Variants in TUSC3 observed in about 807,000 individuals in gnomAD.
TUSC3 encodes the protein tumor suppressor candidate 3.
A neutral mutation model predicts 44.8 loss-of-function variants in TUSC3; 45 were observed. The observed-to-expected ratio is 1.00, with a 90% CI of 0.79 to 1.29. TUSC3 has a LOEUF of 1.29. Among genes scored for constraint, TUSC3 ranks in the 50% most tolerant of loss-of-function variants. The probability of loss-of-function intolerance (pLI) is 0.00; values close to 1 mark genes in which losing one functional copy is unlikely to be tolerated. For missense variants in TUSC3, 519 were observed against 437.9 expected (o/e 1.19, Z -1.65); for synonymous variants, 212 against 152.9 (o/e 1.39, Z -2.85).
At chr8:15,516,380 C>CTTTTGATT (rs1200201756) in intron 2 of TUSC3, among the ~76,000 whole-genome samples, 56 of 152,160 alleles carry the variant, frequency 3.7e-4, no homozygotes, top group African/African-American at 1.3e-3. Flanking sequence ...TCTTGCAGAC[C>CTTTTGATT]ACTTCTCATT....
chr8:15,690,222 A>C (rs1808838590), intron 6 of TUSC3, among the ~76,000 whole-genome samples: 1 of 152,150 alleles, frequency 6.6e-6, no homozygotes, highest in South Asian at 2.1e-4. Context: ...GGTGTGAGGT[A>C]GCATCTTGTG....
intron 6 of TUSC3, among the ~76,000 whole-genome samples, chr8:15,677,807 A>C (rs1281118758): frequency 1.3e-5 from 2 of 152,178 alleles, no homozygotes; most frequent in Non-Finnish European, 2.9e-5. Flanking sequence ...CAGATGCTGG[A>C]GGCACTAAGA....
intron 1 of TUSC3, among the ~76,000 whole-genome samples, chr8:15,579,161 T>G (rs1803227003): frequency 6.6e-6 from 1 of 151,072 alleles, no homozygotes; most frequent in African/African-American, 2.4e-5. Context: ...TTGGTGGTGA[T>G]ATCCCCTTTA....
At chr8:15,484,171 AT>A (rs1563263249) in intron 2 of TUSC3, among the ~76,000 whole-genome samples, 1 of 152,036 alleles carries the variant, frequency 6.6e-6, no homozygotes, top group Non-Finnish European at 1.5e-5. Context: ...AATTAGGTCT[AT>A]TTTTAGTGAG....
At chr8:15,454,241 C>G (rs568109873) in intron 1 of TUSC3, among the ~76,000 whole-genome samples, 2 of 152,154 alleles carry the variant, frequency 1.3e-5, no homozygotes, top group Admixed American at 6.6e-5. Flanking sequence ...CCCCTTGGCC[C>G]TCTTCCAAGT....
chr8:15,696,924 G>T (rs529683981), intron 6 of TUSC3, among the ~76,000 whole-genome samples: 8 of 152,048 alleles, frequency 5.3e-5, no homozygotes, highest in Admixed American at 5.2e-4. Context: ...GCTGGTCCTG[G>T]ACTTTTTTTT....
chr8:15,711,598 A>G (rs938311867), intron 6 of TUSC3, among the ~76,000 whole-genome samples: 1 of 151,316 alleles, frequency 6.6e-6, no homozygotes, highest in Non-Finnish European at 1.5e-5. Context: ...GGAATTTGTG[A>G]TAGTTTAGCA....
chr8:15,450,097 A>T (rs1800173962), intron 1 of TUSC3, among the ~76,000 whole-genome samples: 1 of 152,192 alleles, frequency 6.6e-6, no homozygotes, highest in Non-Finnish European at 1.5e-5. Flanking sequence ...TCATTGAGTG[A>T]CACATGACGA....
chr8:15,794,126 T>G, the TUSC3 span, among the ~76,000 whole-genome samples: 1 of 152,170 alleles, frequency 6.6e-6, no homozygotes, highest in South Asian at 2.1e-4. Context: ...CACAATACAT[T>G]CTACTATGTA....
the TUSC3 span, among the ~76,000 whole-genome samples, chr8:15,824,846 C>A: frequency 6.6e-6 from 1 of 152,272 alleles, no homozygotes; most frequent in African/African-American, 2.4e-5. Context: ...TGTCAGTTCT[C>A]CCAAGGTATA....
chr8:15,768,141 G>T (rs1318055384), downstream of TUSC3, among the ~76,000 whole-genome samples: 4 of 134,680 alleles, frequency 3.0e-5, no homozygotes, highest in African/African-American at 1.2e-4. Context: ...AGTGGGGAGA[G>T]TATTTTTCTT....
chr8:15,573,227 TATAA>T (rs1293404926), intron 1 of TUSC3, among the ~76,000 whole-genome samples: 74 of 128,712 alleles, frequency 5.7e-4, no homozygotes, highest in Non-Finnish European at 1.0e-3. Flanking sequence ...TATATATATA[TATAA>T]AAGTTTTTTT....
intron 1 of TUSC3, among the ~76,000 whole-genome samples, chr8:15,451,336 G>A (rs557286184): frequency 1.1e-4 from 17 of 152,178 alleles, no homozygotes; most frequent in African/African-American, 4.1e-4. Flanking sequence ...GGGCCTCCTG[G>A]GTAGCTCAGA....
chr8:15,592,748 G>A (rs1803893900), intron 1 of TUSC3, among the ~76,000 whole-genome samples: 1 of 152,058 alleles, frequency 6.6e-6, no homozygotes, highest in Non-Finnish European at 1.5e-5. Flanking sequence ...AATGCAAAAT[G>A]GACCAAAACA....
intron 2 of TUSC3, among the ~76,000 whole-genome samples, chr8:15,525,037 T>C (rs1801355035): frequency 6.6e-6 from 1 of 152,218 alleles, no homozygotes; most frequent in Admixed American, 6.5e-5. Flanking sequence ...CCTGCAACTG[T>C]TGAGACTAAC....
chr8:15,798,473 C>G, the TUSC3 span, among the ~76,000 whole-genome samples: 2 of 152,158 alleles, frequency 1.3e-5, no homozygotes, highest in African/African-American at 4.8e-5. Flanking sequence ...TCTTCTGTCT[C>G]CATAAAGTCG....
At chr8:15,657,149 C>T (rs1807211893) in intron 3 of TUSC3, among the ~76,000 whole-genome samples, 1 of 152,150 alleles carries the variant, frequency 6.6e-6, no homozygotes, top group Non-Finnish European at 1.5e-5. Flanking sequence ...CTGCTAATCT[C>T]CTTATAAATA....
At chr8:15,619,008 C>G (rs1200482871) in intron 1 of TUSC3, among the ~76,000 whole-genome samples, 1 of 152,122 alleles carries the variant, frequency 6.6e-6, no homozygotes, top group East Asian at 1.9e-4. Flanking sequence ...CATGGCTCTA[C>G]CACTAGTCAC....
At chr8:15,642,448 G>A (rs1039861550) in intron 2 of TUSC3, among the ~76,000 whole-genome samples, 1 of 152,172 alleles carries the variant, frequency 6.6e-6, no homozygotes, top group Non-Finnish European at 1.5e-5. Flanking sequence ...AAATCTCCAT[G>A]AATGTTTCTT....
Sources: allele counts gnomAD v4.1 joint callset (sites outside exome capture counted in the v4.1 genomes callset), GRCh38; gene constraint gnomAD v4.1.1; transcripts MANE v1.5; gene names NCBI Gene and HGNC (gene_info 2026-07-23, HGNC 2026-07-21).